The following ISY1 variants were observed in gnomAD, a reference collection of about 807,000 sequenced individuals.
ISY1 encodes the protein ISY1 spliceosome associated protein.
Under a neutral mutation model 54.4 loss-of-function variants are expected in ISY1, and 12 were observed. That is an observed-to-expected ratio of 0.22 (90% CI 0.14 to 0.36). The LOEUF is 0.36. Ranked by LOEUF, ISY1 falls within the 10% of genes least tolerant of loss-of-function variation. The pLI is 1.00. For missense variants in ISY1, 282 were observed against 342.2 expected (o/e 0.82, Z 1.39); for synonymous variants, 96 against 117.9 (o/e 0.81, Z 1.20).
chr3:129,130,008 CTG>C lies in ISY1; in HGVS notation c.*71_*72del. 8.3e-7 allele frequency: 1 copy of C among 1,206,712 alleles called. No homozygotes were observed. 74.8% of individuals were successfully genotyped at this position (1,206,712 alleles called of 1,614,324 possible). ...GGGCAGGAGCCCTTGCAGCACCAGC[CTG>C]TGTCTGCAGCCCTGGGTCCTGAGGT... On this transcript the variant is annotated 3_prime_UTR_variant, in exon 11 of 11. Transcript: ENST00000393295.
chr3:129,151,190 A>T (rs1354749054), intron 5 of ISY1, among the ~76,000 whole-genome samples: 1 of 147,922 alleles, frequency 6.8e-6, no homozygotes, highest in South Asian at 2.1e-4. Flanking sequence ...TAAATATATA[A>T]AAATATATAT....
intron 5 of ISY1, among the ~76,000 whole-genome samples, chr3:129,151,481 T>C (rs531442512): frequency 6.6e-6 from 1 of 151,498 alleles, no homozygotes; most frequent in Admixed American, 6.6e-5. Flanking sequence ...ATACAAAAAT[T>C]GGCCGGGCAT....
At chr3:129,141,992 G>A (rs1181027169) in intron 6 of ISY1, among the ~76,000 whole-genome samples, 2 of 151,868 alleles carry the variant, frequency 1.3e-5, no homozygotes, top group African/African-American at 2.4e-5. Context: ...ATCACCTGAG[G>A]TCAGGAGTTC....
intron 1 of ISY1, among the ~76,000 whole-genome samples, chr3:129,159,527 T>C (rs77253031): frequency 0.046 from 6,961 of 152,274 alleles, 331 homozygotes; most frequent in East Asian, 0.22. Context: ...ATACTTACCA[T>C]GGCATTTAAC....
chr3:129,156,483 A>T, intron 5 of ISY1, 150 bp downstream of exon 5: 1 of 730,046 alleles, frequency 1.4e-6, no homozygotes, highest in East Asian at 2.7e-5. Flanking sequence ...CAACTACATC[A>T]AACTGACTGA....
Position 129,140,331 on chromosome 3 carries a change from A to C in ISY1, c.418+37T>G, listed in dbSNP as rs377433231. On this transcript the variant is annotated intron_variant, in intron 7 of 10. Coordinates refer to ENST00000393295, the MANE Select transcript of ISY1 (RefSeq NM_020701.4). ...TAGCATATCTACTCTTATGATTATT[A>C]CCAATGAAAGGCTAAAACTGTCACA... The C allele has an allele frequency of 1.2e-5, 19 of 1,559,554 alleles. No individual in the cohort carries two copies. In the African/African-American group the frequency reaches 2.6e-4, roughly 21 times the overall value.
intron 5 of ISY1, among the ~76,000 whole-genome samples, chr3:129,155,375 A>C (rs1411958281): frequency 6.6e-6 from 1 of 151,552 alleles, no homozygotes; most frequent in African/African-American, 2.4e-5. Context: ...TTGTATTTTT[A>C]GTAGAGACAG....
chr3:129,151,129 A>T (rs34571742), intron 5 of ISY1, among the ~76,000 whole-genome samples: 15,314 of 147,488 alleles, frequency 0.1, 906 homozygotes, highest in Non-Finnish European at 0.13. Flanking sequence ...CTCAAAAAAA[A>T]ATATATATAT....
intron 6 of ISY1, among the ~76,000 whole-genome samples, chr3:129,143,505 C>CAA (rs1360448569): frequency 9.6e-5 from 6 of 62,418 alleles, no homozygotes; most frequent in Non-Finnish European, 1.6e-4. Context: ...GACTCTGTCT[C>CAA]AAAAAAAAAA....
rs1180192427 is a variant in ISY1 at position 129,127,737 on chromosome 3, T to G, written c.*2344A>C. The G allele has an allele frequency of 2.6e-5, 4 of 152,272 alleles. No homozygotes were observed. The highest frequency in any genetic ancestry group is 7.2e-5 in the African/African-American group (3 of 41,414). 9.4% of individuals were successfully genotyped at this position (152,272 alleles called of 1,614,324 possible). A position where few individuals can be genotyped will look rare whatever the true frequency, so the allele number is the denominator to read the frequency against. ...CCCTGGCCAGTTTGCATCCCGGGGA[T>G]CCCTGAAGAGATCCCAGGAGGGGAG... On this transcript the variant is annotated 3_prime_UTR_variant, in exon 11 of 11. Transcript: ENST00000393295.
chr3:129,153,820 C>T (rs535408126), intron 5 of ISY1, among the ~76,000 whole-genome samples: 138 of 151,958 alleles, frequency 9.1e-4, no homozygotes, highest in African/African-American at 3.1e-3. Flanking sequence ...TGAACTATTT[C>T]TCGGCCAGGC....
At chr3:129,156,207 G>A (rs1937134215) in intron 5 of ISY1, among the ~76,000 whole-genome samples, 1 of 151,716 alleles carries the variant, frequency 6.6e-6, no homozygotes, top group Non-Finnish European at 1.5e-5. Flanking sequence ...GACCATCCTG[G>A]CTAACATGGT....
intron 3 of ISY1, 24 bp downstream of exon 3, chr3:129,158,484 T>A: frequency 2.5e-6 from 4 of 1,613,070 alleles, no homozygotes; most frequent in Non-Finnish European, 3.4e-6. Context: ...TACTTTACAA[T>A]TCATGAGGAA....
rs1325952372 is a variant in ISY1 at position 129,158,529 on chromosome 3, C to T, written c.57G>A (p.Gln19=). The T allele has an allele frequency of 6.2e-7, 1 of 1,614,032 alleles. No homozygotes were observed. The highest frequency in any genetic ancestry group is 1.1e-5 in the South Asian group (1 of 91,088). The part of the protein sequence containing the change: ...MTALARFRQA[Q]LEEGKVKERR... Reference sequence around the variant, plus strand: ...CAACCTTCACTTTTCCCTCTTCCAGCTGAGCCTGGCGAAATCTTGCTAAGG... The same window carrying T: ...CAACCTTCACTTTTCCCTCTTCCAGTTGAGCCTGGCGAAATCTTGCTAAGG... Residue 19 remains glutamine, a synonymous_variant, in exon 3 of 11, where the codon CAG becomes CAA. Coordinates refer to ENST00000393295, the MANE Select transcript of ISY1 (RefSeq NM_020701.4).
At chr3:129,155,231 A>G (rs1356920685) in intron 5 of ISY1, among the ~76,000 whole-genome samples, 1 of 149,762 alleles carries the variant, frequency 6.7e-6, no homozygotes, top group Non-Finnish European at 1.5e-5. Flanking sequence ...GTTTGTTTTG[A>G]GATGGAGTCC....
intron 10 of ISY1, 30 bp downstream of exon 10, chr3:129,130,520 C>T (rs756297591): frequency 1.2e-5 from 19 of 1,610,570 alleles, no homozygotes; most frequent in Middle Eastern, 1.6e-4. Flanking sequence ...AAGCCCCCGG[C>T]GCCCAGGCAG....
chr3:129,139,011 T>G (rs905981914), intron 7 of ISY1, among the ~76,000 whole-genome samples: 2 of 150,624 alleles, frequency 1.3e-5, no homozygotes, highest in African/African-American at 4.9e-5. Flanking sequence ...CTCGGCTCAC[T>G]GCAACCTCTG....
rs1937296645 is a variant in ISY1, at chr3:129,160,987, G to C, written c.-12C>G. On this transcript the variant is annotated 5_prime_UTR_variant, in exon 1 of 11. Transcript: ENST00000393295. Reference sequence around the variant, plus strand: ...ACCCTACTCACCATGGTGTCGCTAAGGGCGCCGTCCTGGAGCCCCGCGGCC... The same window carrying C: ...ACCCTACTCACCATGGTGTCGCTAACGGCGCCGTCCTGGAGCCCCGCGGCC... 2.6e-5 allele frequency: 36 copies of C among 1,361,120 alleles called. No individual in the cohort carries two copies. Among genetic ancestry groups the C allele is most frequent in the Non-Finnish European group, 3.4e-5 (35 of 1,031,546 alleles). The allele number at this position is 1,361,120 out of a possible 1,614,324, so 84.3% of individuals were successfully genotyped here.
At chr3:129,158,973 A>C (rs1937223771) in intron 2 of ISY1, among the ~76,000 whole-genome samples, 181 bp downstream of exon 2, 1 of 152,200 alleles carries the variant, frequency 6.6e-6, no homozygotes, top group African/African-American at 2.4e-5. Flanking sequence ...GAAAACACAT[A>C]AATGGAGAAA....
Sources: allele counts gnomAD v4.1 joint callset (sites outside exome capture counted in the v4.1 genomes callset), GRCh38; gene constraint gnomAD v4.1.1; transcripts MANE v1.5; gene names NCBI Gene and HGNC (gene_info 2026-07-23, HGNC 2026-07-21).